The following TBC1D5 variants were observed in gnomAD, a reference collection of about 807,000 sequenced individuals.
TBC1D5 encodes the protein TBC1 domain family, member 5.
In TBC1D5, 75 loss-of-function variants were observed where a neutral mutation model predicts 100.3. The observed-to-expected ratio is 0.75, with a 90% CI of 0.62 to 0.91. The LOEUF is 0.91. TBC1D5 is among the 40% of genes least tolerant of loss of function. The pLI, the probability that TBC1D5 is intolerant of heterozygous loss-of-function variation, is 0.00. For missense variants in TBC1D5, 910 were observed against 942.4 expected, an observed-to-expected ratio of 0.97 and a Z score of 0.45; for synonymous variants, 323 against 325.6, an observed-to-expected ratio of 0.99 and a Z score of 0.09.
chr3:17,612,289 G>C (rs1346550981), intron 2 of TBC1D5, among the ~76,000 whole-genome samples: 1 of 129,526 alleles, frequency 7.7e-6, no homozygotes, highest in East Asian at 2.4e-4. Flanking sequence ...GACAGACTAA[G>C]ACACCGTCTC....
intron 1 of TBC1D5, among the ~76,000 whole-genome samples, chr3:17,685,727 C>T (rs1372903536): frequency 6.6e-6 from 1 of 151,994 alleles, no homozygotes; most frequent in Non-Finnish European, 1.5e-5. Flanking sequence ...TTATATATAT[C>T]TTTCTCTAAC....
intron 1 of TBC1D5, among the ~76,000 whole-genome samples, chr3:17,630,294 G>T (rs2063383920): frequency 6.6e-6 from 1 of 152,106 alleles, no homozygotes; most frequent in Non-Finnish European, 1.5e-5. Flanking sequence ...TACGTTTGTG[G>T]TAACCCTGTG....
At chr3:17,223,925 C>CAAAAG (rs1215930441) in intron 17 of TBC1D5, among the ~76,000 whole-genome samples, 1 of 140,220 alleles carries the variant, frequency 7.1e-6, no homozygotes, top group Admixed American at 7.1e-5. Flanking sequence ...CAAAACAAAA[C>CAAAAG]AAAACAAACA....
intron 2 of TBC1D5, among the ~76,000 whole-genome samples, chr3:17,596,985 T>A (rs898627266): frequency 6.6e-6 from 1 of 152,188 alleles, no homozygotes; most frequent in Non-Finnish European, 1.5e-5. Context: ...GACTTACAGA[T>A]TCTAATAAAT....
chr3:17,225,879 T>G (rs1299532352), intron 17 of TBC1D5, among the ~76,000 whole-genome samples: 1 of 152,016 alleles, frequency 6.6e-6, no homozygotes, highest in East Asian at 1.9e-4. Context: ...TAACATAGCA[T>G]TTACATCGTA....
At chr3:17,202,528 A>C (rs980105484) in intron 18 of TBC1D5, among the ~76,000 whole-genome samples, 1 of 152,238 alleles carries the variant, frequency 6.6e-6, no homozygotes, top group African/African-American at 2.4e-5. Flanking sequence ...AGACAATGTG[A>C]AAAATGTCTC....
intron 9 of TBC1D5, among the ~76,000 whole-genome samples, chr3:17,380,039 C>CTG (rs1442340088): frequency 0.041 from 4,117 of 100,050 alleles, 91 homozygotes; most frequent in Non-Finnish European, 0.05. Flanking sequence ...ACAGCTGTGA[C>CTG]TGTGTATGTG....
At chr3:17,216,335 T>C (rs926357871) in intron 17 of TBC1D5, among the ~76,000 whole-genome samples, 1 of 152,098 alleles carries the variant, frequency 6.6e-6, no homozygotes, top group Non-Finnish European at 1.5e-5. Context: ...ACTCCTTTAA[T>C]AGGAAATCTT....
intron 3 of TBC1D5, among the ~76,000 whole-genome samples, chr3:17,485,046 A>G (rs2095545496): frequency 6.6e-6 from 1 of 152,166 alleles, no homozygotes; most frequent in African/African-American, 2.4e-5. Context: ...AGAATATAAA[A>G]TCAGCACTGA....
At chr3:17,488,818 G>C (rs1282264878) in intron 3 of TBC1D5, among the ~76,000 whole-genome samples, 2 of 151,898 alleles carry the variant, frequency 1.3e-5, no homozygotes, top group Non-Finnish European at 2.9e-5. Context: ...AATAGGAAGT[G>C]AGTGGTGGGC....
At chr3:17,649,369 T>C (rs1009467382) in intron 1 of TBC1D5, among the ~76,000 whole-genome samples, 3 of 152,050 alleles carry the variant, frequency 2.0e-5, no homozygotes, top group African/African-American at 7.3e-5. Context: ...AATTATTGGG[T>C]ACTGGGCTTA....
At chr3:17,540,451 G>A (rs1042468667) in intron 2 of TBC1D5, among the ~76,000 whole-genome samples, 1 of 151,850 alleles carries the variant, frequency 6.6e-6, no homozygotes, top group Non-Finnish European at 1.5e-5. Flanking sequence ...TTATAGTTTT[G>A]GGTCTTACAT....
intron 2 of TBC1D5, among the ~76,000 whole-genome samples, chr3:17,545,969 A>T (rs1576627558): frequency 6.6e-6 from 1 of 152,230 alleles, no homozygotes; most frequent in Non-Finnish European, 1.5e-5. Flanking sequence ...ATATAACCTC[A>T]AACAAATTAC....
chr3:17,720,428 A>G (rs983845523), intron 1 of TBC1D5, among the ~76,000 whole-genome samples: 1 of 152,220 alleles, frequency 6.6e-6, no homozygotes, highest in Non-Finnish European at 1.5e-5. Context: ...ATCACTACTC[A>G]ATGAGAGAAA....
intron 1 of TBC1D5, among the ~76,000 whole-genome samples, chr3:17,737,838 A>C (rs906389116): frequency 1.3e-5 from 2 of 151,786 alleles, no homozygotes; most frequent in African/African-American, 2.4e-5. Context: ...AAAAAAAAAA[A>C]CCCAGTTAAC....
rs112528129 is a variant in TBC1D5 at position 17,163,483 on chromosome 3, C to T, written c.2095-2227G>A. On this transcript the variant is annotated intron_variant, in intron 21 of 21. Transcript: ENST00000253692. The stretch of plus-strand genomic sequence containing the variant: ...ACATTTACAGAAGTTTTGTAAATCC[C>T]TAGGTCAATCCTCTCTTTTTACCCA... 4.6e-5 allele frequency among the ~76,000 whole-genome samples: 7 copies of T among 152,274 alleles called. No individual in the cohort carries two copies. The East Asian group carries it at 9.6e-4, about 21-fold the overall frequency.
chr3:17,586,297 A>C (rs1181699077), intron 2 of TBC1D5: 1 of 152,194 alleles, frequency 6.6e-6, no homozygotes, highest in African/African-American at 2.4e-5. Flanking sequence ...TACTATGGTA[A>C]GGGTATTGAG....
At chr3:17,597,726 T>C (rs894726198) in intron 2 of TBC1D5, among the ~76,000 whole-genome samples, 6 of 152,316 alleles carry the variant, frequency 3.9e-5, no homozygotes, top group South Asian at 2.1e-4. Flanking sequence ...GTATATAACA[T>C]ATTTTTGTCC....
chr3:17,723,586 A>G (rs2075868342), intron 1 of TBC1D5, among the ~76,000 whole-genome samples: 1 of 152,200 alleles, frequency 6.6e-6, no homozygotes, highest in South Asian at 2.1e-4. Context: ...TTGCCCTTGA[A>G]CAACATGGGT....
Sources: allele counts gnomAD v4.1 joint callset (sites outside exome capture counted in the v4.1 genomes callset), GRCh38; gene constraint gnomAD v4.1.1; transcripts MANE v1.5; gene names NCBI Gene and HGNC (gene_info 2026-07-23, HGNC 2026-07-21).